Variants in CDH12 observed in about 807,000 individuals in gnomAD.
CDH12 encodes cadherin-12.
A neutral mutation model predicts 74.1 loss-of-function variants in CDH12; 41 were observed. The ratio of observed to expected loss-of-function variants is 0.55; its 90% confidence interval spans 0.43 to 0.72. The LOEUF (loss-of-function observed/expected upper bound fraction) is 0.72. Ranked by LOEUF, CDH12 falls within the 30% of genes least tolerant of loss-of-function variation. CDH12 has a pLI of 0.00. For missense variants in CDH12, 945 were observed against 977.2 expected (o/e 0.97, Z 0.44); for synonymous variants, 399 against 355.0 (o/e 1.12, Z -1.39).
intron 1 of CDH12, among the ~76,000 whole-genome samples, chr5:22,615,188 G>A (rs780391717): frequency 2.6e-5 from 4 of 152,030 alleles, no homozygotes; most frequent in South Asian, 2.1e-4. Context: ...CTCTAATCAC[G>A]TGTAATGACA....
At chr5:21,976,924 A>G (rs1282565530) in intron 5 of CDH12, among the ~76,000 whole-genome samples, 1 of 152,082 alleles carries the variant, frequency 6.6e-6, no homozygotes, top group East Asian at 1.9e-4. Context: ...AAAAGCACAA[A>G]TATAGCCCAA....
At chr5:21,949,572 T>C (rs1755740979) in intron 6 of CDH12, among the ~76,000 whole-genome samples, 1 of 152,074 alleles carries the variant, frequency 6.6e-6, no homozygotes, top group Non-Finnish European at 1.5e-5. Flanking sequence ...ATTATTGGCC[T>C]AGAGGAGCTT....
At chr5:22,431,145 T>C (rs1316490952) in intron 2 of CDH12, among the ~76,000 whole-genome samples, 1 of 152,182 alleles carries the variant, frequency 6.6e-6, no homozygotes, top group Non-Finnish European at 1.5e-5. Flanking sequence ...ATGGGAAATG[T>C]GTATTTCATT....
At chr5:22,377,969 C>T (rs1478137184) in intron 3 of CDH12, among the ~76,000 whole-genome samples, 1 of 152,144 alleles carries the variant, frequency 6.6e-6, no homozygotes, top group South Asian at 2.1e-4. Flanking sequence ...TATTATTTCA[C>T]TCACTAATGG....
rs34555692 is a variant in CDH12 at position 22,461,030 on chromosome 5, C to CTTTTTT, written c.-428+44234_-428+44239dup. On this transcript the variant is annotated intron_variant, in intron 2 of 14. Coordinates refer to ENST00000382254, the MANE Select transcript of CDH12 (RefSeq NM_004061.5). ...GCCACCGCGCCAGGCCAATGTCTAG[C>CTTTTTT]TTTTTTTTTTTTTTTTTTTTTTTGA... Among the ~76,000 whole-genome samples the CTTTTTT allele has an allele frequency of 1.9e-4, 12 of 63,556 alleles. 1 individual carries two copies. Among genetic ancestry groups the CTTTTTT allele is most frequent in the South Asian group, 6.1e-4 (1 of 1,634 alleles). The allele number at this position is 63,556 out of a possible 152,430, so 41.7% of individuals were successfully genotyped here.
chr5:21,822,610 G>T (rs895831661), intron 8 of CDH12, among the ~76,000 whole-genome samples: 1 of 152,044 alleles, frequency 6.6e-6, no homozygotes, highest in Non-Finnish European at 1.5e-5. Flanking sequence ...AACATACAGT[G>T]AATGGAATCT....
chr5:22,026,395 T>G (rs545456728), intron 5 of CDH12, among the ~76,000 whole-genome samples: 28 of 152,142 alleles, frequency 1.8e-4, no homozygotes, highest in Non-Finnish European at 3.5e-4. Context: ...AGCATAAAAT[T>G]TGACCAACTG....
chr5:22,793,529 T>A (rs1216836577), intron 1 of CDH12, among the ~76,000 whole-genome samples: 1 of 152,220 alleles, frequency 6.6e-6, no homozygotes, highest in Non-Finnish European at 1.5e-5. Context: ...TGGTTTTGAA[T>A]CCATACATTT....
intron 1 of CDH12, among the ~76,000 whole-genome samples, chr5:22,617,997 T>C (rs575599060): frequency 6.6e-6 from 1 of 152,264 alleles, no homozygotes; most frequent in South Asian, 2.1e-4. Context: ...TATGCCCATT[T>C]GACAGATGCA....
chr5:21,967,215 C>T (rs916410583), intron 6 of CDH12, among the ~76,000 whole-genome samples: 2 of 152,094 alleles, frequency 1.3e-5, no homozygotes, highest in African/African-American at 4.8e-5. Context: ...CAGGGTTTTA[C>T]GGAGGTGCAA....
At chr5:22,427,912 T>A (rs1744008017) in intron 2 of CDH12, among the ~76,000 whole-genome samples, 1 of 152,210 alleles carries the variant, frequency 6.6e-6, no homozygotes, top group Admixed American at 6.5e-5. Context: ...TGAAATATCA[T>A]TTTTATTCTG....
intron 5 of CDH12, among the ~76,000 whole-genome samples, chr5:21,979,816 A>T (rs1436954024): frequency 1.3e-5 from 2 of 152,086 alleles, no homozygotes; most frequent in South Asian, 4.1e-4. Flanking sequence ...ATGAGTAAAA[A>T]AAAAAAAATG....
chr5:22,581,711 C>T (rs1405886814), intron 1 of CDH12, among the ~76,000 whole-genome samples: 3 of 152,210 alleles, frequency 2.0e-5, no homozygotes, highest in African/African-American at 7.2e-5. Context: ...CCTGGAAAAA[C>T]TGCAGACACT....
At chr5:22,792,653 G>A (rs1258965837) in intron 1 of CDH12, among the ~76,000 whole-genome samples, 1 of 152,214 alleles carries the variant, frequency 6.6e-6, no homozygotes, top group East Asian at 1.9e-4. Flanking sequence ...TAAAAATTGG[G>A]TAAAGTCTGG....
chr5:22,393,018 A>G (rs1742310406), intron 3 of CDH12, among the ~76,000 whole-genome samples: 1 of 152,082 alleles, frequency 6.6e-6, no homozygotes, highest in African/African-American at 2.4e-5. Context: ...ATTGAATGAT[A>G]TTCCCCAACA....
At position 22,050,510 on chromosome 5, in the gene CDH12, C is replaced by T. The variant is rs528821592; in HGVS notation, c.231+27936G>A. 7.9e-5 allele frequency among the ~76,000 whole-genome samples: 12 copies of T among 152,180 alleles called. No individual in the cohort carries two copies. In the East Asian group the frequency reaches 2.1e-3, roughly 27 times the overall value. On this transcript the variant is annotated intron_variant, in intron 5 of 14. Transcript: ENST00000382254. ...AGCAATCTACTGGCTATTATTATTACAATTTTCTAATAGGAATATCTGGTT... is the reference window on the plus strand; with the variant it reads ...AGCAATCTACTGGCTATTATTATTATAATTTTCTAATAGGAATATCTGGTT...
intron 4 of CDH12, among the ~76,000 whole-genome samples, chr5:22,211,800 A>G (rs1243142956): frequency 2.0e-5 from 3 of 150,862 alleles, no homozygotes; most frequent in African/African-American, 7.3e-5. Context: ...GTAATCTCTT[A>G]TTGAAGAATT....
chr5:21,871,653 G>A (rs1751628467), intron 6 of CDH12, among the ~76,000 whole-genome samples: 1 of 152,128 alleles, frequency 6.6e-6, no homozygotes, highest in African/African-American at 2.4e-5. Flanking sequence ...TTTGAACCCA[G>A]GAGGCGTAGG....
intron 3 of CDH12, among the ~76,000 whole-genome samples, chr5:22,252,742 A>G (rs1038812637): frequency 8.5e-5 from 13 of 152,052 alleles, no homozygotes; most frequent in African/African-American, 2.9e-4. Context: ...ATTCTTTCTC[A>G]GTGGAATTAT....
Sources: allele counts gnomAD v4.1 joint callset (sites outside exome capture counted in the v4.1 genomes callset), GRCh38; gene constraint gnomAD v4.1.1; transcripts MANE v1.5; gene names NCBI Gene and HGNC (gene_info 2026-07-23, HGNC 2026-07-21).